Variants in MSR1 observed in about 807,000 individuals in gnomAD.
The protein encoded by MSR1 is macrophage scavenger receptor 1.
Under a neutral mutation model 47.2 loss-of-function variants are expected in MSR1, and 53 were observed. The observed-to-expected ratio is 1.12, with a 90% CI of 0.90 to 1.41. The LOEUF is 1.41. Among genes scored for constraint, MSR1 ranks in the 40% most tolerant of loss-of-function variants. MSR1 has a pLI of 0.00. For synonymous variants in MSR1, 239 were observed against 185.6 expected, an observed-to-expected ratio of 1.29 and a Z score of -2.34; for missense variants, 786 against 546.9, an observed-to-expected ratio of 1.44 and a Z score of -4.36.
intron 5 of MSR1, among the ~76,000 whole-genome samples, chr8:16,158,930 A>ATT (rs34495946): frequency 0.041 from 4,443 of 107,682 alleles, 252 homozygotes; most frequent in Admixed American, 0.11. Flanking sequence ...CCTTTGGTTA[A>ATT]TTTTTTTTTT....
At chr8:16,120,735 T>G in intron 8 of MSR1, 129 bp from the exon 9 acceptor site, 9 of 1,129,428 alleles carry the variant, frequency 8.0e-6, no homozygotes, top group African/African-American at 1.6e-5. Flanking sequence ...TAACTTCAAC[T>G]ATTGGAATAA....
chr8:16,153,705 T>C (rs986724408), intron 6 of MSR1, among the ~76,000 whole-genome samples: 10 of 152,048 alleles, frequency 6.6e-5, no homozygotes, highest in African/African-American at 2.4e-4. Flanking sequence ...AAGCACTGTA[T>C]GGCAAGATGT....
chr8:16,177,331 GAGA>G (rs1219552789), intron 2 of MSR1, among the ~76,000 whole-genome samples: 1 of 152,024 alleles, frequency 6.6e-6, no homozygotes, highest in Non-Finnish European at 1.5e-5. Context: ...TAGCTACAGA[GAGA>G]AGACCATACG....
chr8:16,169,263 C>A (rs1801412761), intron 3 of MSR1, among the ~76,000 whole-genome samples: 1 of 152,138 alleles, frequency 6.6e-6, no homozygotes, highest in Admixed American at 6.5e-5. Context: ...CTGAAGTAAG[C>A]ATGTTGAATA....
intron 5 of MSR1, among the ~76,000 whole-genome samples, chr8:16,162,459 T>G (rs1801188116): frequency 1.3e-5 from 2 of 152,052 alleles, no homozygotes; most frequent in Admixed American, 6.6e-5. Context: ...GGAGAACAAT[T>G]GGTAAATTCA....
intron 1 of MSR1, among the ~76,000 whole-genome samples, chr8:16,192,156 C>T (rs1802217051): frequency 6.6e-6 from 1 of 151,906 alleles, no homozygotes; most frequent in African/African-American, 2.4e-5. Context: ...CCAATATTTG[C>T]TATATAATCA....
At position 16,177,864 on chromosome 8, in the gene MSR1, C is replaced by A. The variant is rs368549898; in HGVS notation, c.103+22G>T. The A allele has an allele frequency of 2.2e-5, 35 of 1,592,456 alleles. No homozygotes were observed. The African/African-American group carries it at 4.4e-4, about 20-fold the overall frequency. ...TAACTCTAAGAACAACCTCCATGGGCAGCCCATCCCCCTCTACTTACTCGG... is the reference window on the plus strand; with the variant it reads ...TAACTCTAAGAACAACCTCCATGGGAAGCCCATCCCCCTCTACTTACTCGG... On this transcript the variant is annotated intron_variant, in intron 2 of 9. Transcript: ENST00000262101.
rs189521302 is a variant in MSR1, at chr8:16,112,727, T to A, written c.1223-2509A>T. Among the ~76,000 whole-genome samples the A allele has an allele frequency of 2.6e-3, 388 of 152,038 alleles. 3 individuals are homozygous for A. The highest frequency in any genetic ancestry group is 5.0e-3 in the Admixed American group (77 of 15,268). On this transcript the variant is annotated intron_variant, in intron 9 of 9. Transcript: ENST00000262101. ...TTCGTTGTTGGGGCTGTCACTGTTA[T>A]TATTTTTTTTGTGCCTCTGAACTAT... is the stretch of plus-strand genomic sequence containing the variant.
intron 6 of MSR1, 139 bp downstream of exon 6, chr8:16,154,925 T>A (rs1800958742): frequency 1.4e-6 from 1 of 702,346 alleles, no homozygotes; most frequent in African/African-American, 1.8e-5. Context: ...TATACACACA[T>A]GTGCGTGCAT....
chr8:16,155,995 CT>C (rs1156723184), intron 5 of MSR1, among the ~76,000 whole-genome samples: 4 of 151,734 alleles, frequency 2.6e-5, no homozygotes, highest in Admixed American at 6.6e-5. Context: ...CAGATACCTG[CT>C]CATCATGCCT....
chr8:16,178,553 C>T lies in MSR1; in HGVS notation c.-4-561G>A, dbSNP rs576249950. 1.1e-4 allele frequency among the ~76,000 whole-genome samples: 16 copies of T among 152,158 alleles called. No individual in the cohort carries two copies. In the East Asian group the frequency reaches 2.5e-3, roughly 24 times the overall value. Reference sequence around the variant, plus strand: ...TCTTTGCTATTGTGAATAGTGCCGCCGCAATAAACATATGTGTGCATGTGT... The same window carrying T: ...TCTTTGCTATTGTGAATAGTGCCGCTGCAATAAACATATGTGTGCATGTGT... On this transcript the variant is annotated intron_variant, in intron 1 of 9. Coordinates refer to ENST00000262101, the MANE Select transcript of MSR1 (RefSeq NM_138715.3).
intron 3 of MSR1, 81 bp from the exon 4 acceptor site, chr8:16,168,951 C>T (rs935102758): frequency 3.5e-5 from 48 of 1,384,540 alleles, no homozygotes; most frequent in Non-Finnish European, 4.2e-5. Flanking sequence ...CATTCCATTC[C>T]GTTCATTTTA....
At chr8:16,114,122 A>G (rs1339684905) in intron 9 of MSR1, among the ~76,000 whole-genome samples, 2 of 152,132 alleles carry the variant, frequency 1.3e-5, no homozygotes, top group African/African-American at 4.8e-5. Context: ...TTGACTTGTG[A>G]CCCTTTGATA....
At chr8:16,173,452 G>C (rs1801547117) in intron 3 of MSR1, among the ~76,000 whole-genome samples, 1 of 152,150 alleles carries the variant, frequency 6.6e-6, no homozygotes, top group Admixed American at 6.5e-5. Flanking sequence ...GATAAGCATA[G>C]ACATAAACAA....
chr8:16,147,497 C>T (rs529131949), intron 7 of MSR1, among the ~76,000 whole-genome samples: 1 of 152,252 alleles, frequency 6.6e-6, no homozygotes, highest in African/African-American at 2.4e-5. Context: ...ATAGTCCAGG[C>T]TGTGAAAAAA....
intron 6 of MSR1, among the ~76,000 whole-genome samples, chr8:16,151,706 C>T (rs796374229): frequency 1.2e-4 from 18 of 152,248 alleles, no homozygotes; most frequent in African/African-American, 4.3e-4. Context: ...CAGAATCCAT[C>T]ATTTTAGAGA....
chr8:16,120,289 A>G (rs550187997), intron 9 of MSR1, 129 bp downstream of exon 9: 2 of 924,310 alleles, frequency 2.2e-6, no homozygotes, highest in African/African-American at 3.2e-5. Context: ...AGGGAGGAGA[A>G]TCGCTTGAAT....
intron 8 of MSR1, among the ~76,000 whole-genome samples, chr8:16,121,586 G>T (rs1213804485): frequency 2.0e-5 from 3 of 151,696 alleles, no homozygotes; most frequent in Non-Finnish European, 4.4e-5. Context: ...TTTGGCTAAA[G>T]AACAGAATGA....
intron 8 of MSR1, among the ~76,000 whole-genome samples, chr8:16,143,092 A>G (rs2117113548): frequency 6.6e-6 from 1 of 152,310 alleles, no homozygotes; most frequent in South Asian, 2.1e-4. Context: ...TTAAAGGTTT[A>G]GAACATGGAA....
Sources: gnomAD v4.1 joint callset for allele counts (sites outside exome capture counted in the v4.1 genomes callset) on GRCh38, gnomAD v4.1.1 for gene constraint, MANE v1.5 for transcripts, NCBI Gene and HGNC (gene_info 2026-07-23, HGNC 2026-07-21) for gene names.